Variants in CFAP299 observed in about 807,000 individuals in gnomAD.
The protein encoded by CFAP299 is cilia- and flagella-associated protein 299.
Under a neutral mutation model 27.0 loss-of-function variants are expected in CFAP299, and 21 were observed. The observed-to-expected ratio is 0.78, with a 90% CI of 0.55 to 1.12. CFAP299 has a LOEUF of 1.12. Ranked by LOEUF, CFAP299 falls within the 50% of genes most tolerant of loss-of-function variation. The pLI is 0.00. For synonymous variants in CFAP299, 104 were observed against 98.1 expected (o/e 1.06, Z -0.36); for missense variants, 310 against 276.6 (o/e 1.12, Z -0.86).
chr4:80,741,252 T>G (rs1489970099), intron 3 of CFAP299, among the ~76,000 whole-genome samples: 1 of 152,096 alleles, frequency 6.6e-6, no homozygotes, highest in African/African-American at 2.4e-5. Flanking sequence ...TTTTGTTTCA[T>G]TTTGTTTTGT....
intron 3 of CFAP299, among the ~76,000 whole-genome samples, chr4:80,620,062 G>A (rs1738495492): frequency 6.6e-6 from 1 of 151,974 alleles, no homozygotes; most frequent in Non-Finnish European, 1.5e-5. Flanking sequence ...AAAGCACAAG[G>A]CATTATTTTG....
At position 80,864,786 on chromosome 4, in the gene CFAP299, T is replaced by C. The variant is rs1329965229; in HGVS notation, c.334-5207T>C. Among the ~76,000 whole-genome samples the C allele has an allele frequency of 7.2e-5, 11 of 151,966 alleles. 1 individual carries two copies. The highest frequency in any genetic ancestry group is 7.2e-4 in the Admixed American group (11 of 15,224). On this transcript the variant is annotated intron_variant, in intron 3 of 5. Transcript: ENST00000358105. The stretch of plus-strand genomic sequence containing the variant: ...ATAGCAACATTAATGACAAAAGTTT[T>C]CAAAAGCAATAGATATTATTTATTG...
rs140102089 is a variant in CFAP299, at chr4:80,435,801, A to G, written c.242+72917A>G. On this transcript the variant is annotated intron_variant, in intron 2 of 5. Coordinates refer to ENST00000358105, the MANE Select transcript of CFAP299 (RefSeq NM_152770.3). ...ACAGTCCAGGGACTACCATGTGTCT[A>G]TCAATTCCCCTTTTTGCTCATGAGG... 6.2e-3 allele frequency among the ~76,000 whole-genome samples: 943 copies of G among 152,328 alleles called. 2 individuals carry two copies. The highest frequency in any genetic ancestry group is 0.024 in the Middle Eastern group (7 of 294).
At chr4:80,954,215 G>A (rs17005015) in intron 5 of CFAP299, among the ~76,000 whole-genome samples, 3,329 of 152,254 alleles carry the variant, frequency 0.022, 145 homozygotes, top group African/African-American at 0.076. Context: ...TGGTGTCATT[G>A]CAGGTGCAAG....
intron 4 of CFAP299, among the ~76,000 whole-genome samples, chr4:80,943,431 T>C (rs1362752454): frequency 6.6e-6 from 1 of 152,238 alleles, no homozygotes; most frequent in East Asian, 1.9e-4. Flanking sequence ...CAATGAAACT[T>C]TCTATTTTCA....
At chr4:80,544,266 C>A (rs926646768) in intron 2 of CFAP299, among the ~76,000 whole-genome samples, 1 of 152,046 alleles carries the variant, frequency 6.6e-6, no homozygotes, top group Non-Finnish European at 1.5e-5. Flanking sequence ...TAAGGGAATA[C>A]CTCATTGGTA....
intron 3 of CFAP299, among the ~76,000 whole-genome samples, chr4:80,728,157 A>G (rs1723266766): frequency 6.6e-6 from 1 of 152,096 alleles, no homozygotes; most frequent in Non-Finnish European, 1.5e-5. Context: ...AAGCTCAGTA[A>G]GTTATTTATC....
At chr4:80,784,772 C>G (rs184913199) in intron 3 of CFAP299, among the ~76,000 whole-genome samples, 12 of 152,144 alleles carry the variant, frequency 7.9e-5, no homozygotes, top group African/African-American at 2.9e-4. Flanking sequence ...ATCTGTGCGC[C>G]TCAGCCTCCC....
At chr4:80,659,766 A>G (rs191029579) in intron 3 of CFAP299, among the ~76,000 whole-genome samples, 5 of 152,196 alleles carry the variant, frequency 3.3e-5, no homozygotes, top group Non-Finnish European at 7.4e-5. Context: ...TTTATTTTCT[A>G]TAAATTAAGA....
intron 4 of CFAP299, among the ~76,000 whole-genome samples, chr4:80,874,575 G>A (rs1411107019): frequency 2.0e-5 from 3 of 152,200 alleles, no homozygotes; most frequent in African/African-American, 4.8e-5. Context: ...GCCATTTGGT[G>A]AGGCCTCCTT....
intron 3 of CFAP299, among the ~76,000 whole-genome samples, chr4:80,667,300 TATTC>T: frequency 6.6e-6 from 1 of 152,328 alleles, no homozygotes; most frequent in Non-Finnish European, 1.5e-5. Flanking sequence ...GTAATTGTGA[TATTC>T]ATCATCTTAA....
intron 2 of CFAP299, among the ~76,000 whole-genome samples, chr4:80,409,036 T>C (rs1039567289): frequency 7.5e-6 from 1 of 133,868 alleles, no homozygotes; most frequent in African/African-American, 2.8e-5. Flanking sequence ...TGAGACTCTT[T>C]CAAAAAAAAA....
At chr4:80,380,292 A>G (rs1724632176) in intron 2 of CFAP299, among the ~76,000 whole-genome samples, 1 of 152,150 alleles carries the variant, frequency 6.6e-6, no homozygotes, top group Non-Finnish European at 1.5e-5. Flanking sequence ...AAATAAATTT[A>G]CAGAGAAAAC....
At chr4:80,394,284 G>A (rs1283257110) in intron 2 of CFAP299, among the ~76,000 whole-genome samples, 1 of 151,926 alleles carries the variant, frequency 6.6e-6, no homozygotes, top group African/African-American at 2.4e-5. Flanking sequence ...TTTCTAATGG[G>A]GTTGTTTGTT....
At chr4:80,709,634 G>A (rs1361411487) in intron 3 of CFAP299, among the ~76,000 whole-genome samples, 5 of 152,120 alleles carry the variant, frequency 3.3e-5, no homozygotes, top group South Asian at 4.1e-4. Flanking sequence ...CACGAACACC[G>A]ATCAGGTCCT....
At chr4:80,382,295 C>A (rs974818439) in intron 2 of CFAP299, among the ~76,000 whole-genome samples, 1 of 152,196 alleles carries the variant, frequency 6.6e-6, no homozygotes, top group Non-Finnish European at 1.5e-5. Flanking sequence ...AGCAAAACTG[C>A]TTGTCAGTCA....
At chr4:80,824,156 C>A (rs569668502) in intron 3 of CFAP299, among the ~76,000 whole-genome samples, 1 of 152,234 alleles carries the variant, frequency 6.6e-6, no homozygotes, top group Non-Finnish European at 1.5e-5. Context: ...AGACAACAAT[C>A]ACATTGGCAG....
chr4:80,558,358 G>GTTTTTTTTTT (rs1174909337), intron 2 of CFAP299, among the ~76,000 whole-genome samples: 5 of 121,680 alleles, frequency 4.1e-5, no homozygotes, highest in African/African-American at 1.7e-4. Flanking sequence ...TTGTTTGTTT[G>GTTTTTTTTTT]TTTGTTTGTT....
chr4:80,669,149 CTTTTTTTTTTTTTTT>C (rs869091451), intron 3 of CFAP299, among the ~76,000 whole-genome samples: 1 of 17,150 alleles, frequency 5.8e-5, no homozygotes, highest in African/African-American at 2.1e-4. Flanking sequence ...TTCTTTCTTT[CTTTTTTTTTTTTTTT>C]TTTTTTTTTT....
Sources: allele counts gnomAD v4.1 joint callset (sites outside exome capture counted in the v4.1 genomes callset), GRCh38; gene constraint gnomAD v4.1.1; transcripts MANE v1.5; gene names NCBI Gene and HGNC (gene_info 2026-07-23, HGNC 2026-07-21).